Variants in CCDC88C observed in about 807,000 individuals in gnomAD.
CCDC88C encodes the protein protein Daple.
CCDC88C carries 131 observed loss-of-function variants against 198.8 expected under a neutral mutation model. That is an observed-to-expected ratio of 0.66 (90% CI 0.57 to 0.76). CCDC88C has a LOEUF of 0.76. CCDC88C is among the 30% of genes least tolerant of loss of function. The pLI is 0.00. For synonymous variants in CCDC88C, 1,166 were observed against 1,114.7 expected (o/e 1.05, Z -0.92); for missense variants, 2,553 against 2,631.6 (o/e 0.97, Z 0.65).
intron 4 of CCDC88C, among the ~76,000 whole-genome samples, chr14:91,351,266 T>C (rs912287477): frequency 6.6e-6 from 1 of 152,202 alleles, no homozygotes; most frequent in Non-Finnish European, 1.5e-5. Context: ...AAACCAGTTA[T>C]TTCATAAGGA....
At chr14:91,399,394 T>C (rs953881128) in intron 3 of CCDC88C, among the ~76,000 whole-genome samples, 1 of 152,158 alleles carries the variant, frequency 6.6e-6, no homozygotes, top group Non-Finnish European at 1.5e-5. Context: ...ACATCTGGGC[T>C]GGATCCCCAT....
intron 3 of CCDC88C, among the ~76,000 whole-genome samples, chr14:91,390,184 C>T (rs1347485673): frequency 1.3e-5 from 2 of 152,072 alleles, no homozygotes; most frequent in Non-Finnish European, 2.9e-5. Flanking sequence ...GAGCAAGTTG[C>T]TACTTTCAAG....
At chr14:91,416,621 T>A (rs934935431) in intron 2 of CCDC88C, 117 bp downstream of exon 2, 2 of 763,118 alleles carry the variant, frequency 2.6e-6, no homozygotes, top group South Asian at 3.0e-5. Flanking sequence ...CGTCTCCACC[T>A]TCAGAGAACT....
At chr14:91,376,515 G>A (rs1344144232) in intron 3 of CCDC88C, among the ~76,000 whole-genome samples, 1 of 152,210 alleles carries the variant, frequency 6.6e-6, no homozygotes, top group African/African-American at 2.4e-5. Context: ...CGTCTCTGGA[G>A]AGCCCACAGG....
chr14:91,285,598 G>C, intron 25 of CCDC88C: 1 of 1,236,786 alleles, frequency 8.1e-7, no homozygotes, highest in Non-Finnish European at 1.0e-6. Flanking sequence ...TTAGACGCTG[G>C]CTTTTTTTGT....
In CCDC88C at chr14:91,315,819, A is replaced by G. The variant is rs765900139; in HGVS notation, c.1528-32T>C. 28 of 1,603,074 alleles carry G rather than the reference A, an allele frequency of 1.7e-5. No homozygotes were observed. The South Asian group carries it at 2.3e-4, about 13-fold the overall frequency. On this transcript the variant is annotated intron_variant, in intron 13 of 29. Coordinates refer to ENST00000389857, the MANE Select transcript of CCDC88C (RefSeq NM_001080414.4). ...AACCAAAAGACCCAGCCCAGTGCAG[A>G]CATCAGTCCTACGAAGTGAACCATG... is the stretch of plus-strand genomic sequence containing the variant.
chr14:91,372,917 C>A (rs1245492837), intron 3 of CCDC88C, among the ~76,000 whole-genome samples: 1 of 152,170 alleles, frequency 6.6e-6, no homozygotes, highest in African/African-American at 2.4e-5. Context: ...GAACCTGAGG[C>A]CTTTCCTAGC....
intron 3 of CCDC88C, among the ~76,000 whole-genome samples, chr14:91,405,467 G>C (rs1408922711): frequency 6.6e-6 from 1 of 152,174 alleles, no homozygotes; most frequent in Admixed American, 6.5e-5. Context: ...AAGAGGCCGG[G>C]CGGCAGCTTT....
chr14:91,359,902 T>C (rs1465677332), intron 3 of CCDC88C, among the ~76,000 whole-genome samples, 191 bp from the exon 4 acceptor site: 5 of 152,178 alleles, frequency 3.3e-5, no homozygotes, highest in Non-Finnish European at 5.9e-5. Context: ...CTAACTGTAT[T>C]TCTGTCTTGA....
At chr14:91,281,956 T>C (rs1388037760) in intron 26 of CCDC88C, among the ~76,000 whole-genome samples, 1 of 152,124 alleles carries the variant, frequency 6.6e-6, no homozygotes, top group African/African-American at 2.4e-5. Context: ...AATCTACTCC[T>C]TGAGGGGAGA....
In CCDC88C at chr14:91,313,136, G is replaced by A. The variant is rs372345466; in HGVS notation, c.2680C>T (p.Arg894Trp). ...GKLKELEKDN[R>W]DLTKQVTVHA... Reference sequence around the variant, plus strand: ...ACGGTGACTTGCTTGGTGAGGTCCCGGTTGTCCTTCTCCAGCTCCTTCAGC... The same window carrying A: ...ACGGTGACTTGCTTGGTGAGGTCCCAGTTGTCCTTCTCCAGCTCCTTCAGC... The change falls in exon 15 of 30, where the codon CGG (arginine) becomes TGG (tryptophan). Residue 894 changes from arginine (R) to tryptophan (W), a missense_variant. Around this residue, in one of 2 missense-constraint regions of CCDC88C, gnomAD observed 1,260 missense variants for 1,412.0 expected, o/e 0.89. Transcript: ENST00000389857. The surrounding 1 kb of genome is among the most constrained non-coding windows in gnomAD (Gnocchi z 5.2). 16 of 1,609,252 alleles carry A rather than the reference G, an allele frequency of 9.9e-6. No homozygotes were observed. The highest frequency in any genetic ancestry group is 1.7e-4 in the Middle Eastern group (1 of 6,048).
chr14:91,332,385 A>G (rs138376502), intron 10 of CCDC88C, among the ~76,000 whole-genome samples: 25 of 152,256 alleles, frequency 1.6e-4, no homozygotes, highest in African/African-American at 5.8e-4. Flanking sequence ...TCTGCTACTC[A>G]TTTTGTTTTT....
chr14:91,312,335 C>T (rs1427124784), intron 15 of CCDC88C, among the ~76,000 whole-genome samples: 1 of 152,130 alleles, frequency 6.6e-6, no homozygotes, highest in African/African-American at 2.4e-5. Flanking sequence ...CTGCAGTGAG[C>T]TGGGGTCACA....
At chr14:91,300,095 G>C (rs774925017) in intron 20 of CCDC88C, 25 bp from the exon 21 acceptor site, 1 of 1,602,062 alleles carries the variant, frequency 6.2e-7, no homozygotes, top group Non-Finnish European at 8.5e-7. Flanking sequence ...CACCTGCCGT[G>C]AGTCTGGCCA....
At position 91,346,480 on chromosome 14, in the gene CCDC88C, GATTT is replaced by G. The variant is rs1183408123; in HGVS notation, c.341-2827_341-2824del. Reference sequence around the variant, plus strand: ...AATGGAAAAATTCTCAAAATCTTAGGATTTTTTTTTTTTACTTGAGATCTTTTAT... The same window carrying G: ...AATGGAAAAATTCTCAAAATCTTAGGTTTTTTTTTACTTGAGATCTTTTAT... On this transcript the variant is annotated intron_variant, in intron 4 of 29. Coordinates refer to ENST00000389857, the MANE Select transcript of CCDC88C (RefSeq NM_001080414.4). Among the ~76,000 whole-genome samples, 9 of 140,182 alleles carry G rather than the reference GATTT, an allele frequency of 6.4e-5. No homozygotes were observed. In the East Asian group the frequency reaches 1.8e-3, roughly 28 times the overall value. The allele number at this position is 140,182 out of a possible 152,430, so 92.0% of individuals were successfully genotyped here.
At chr14:91,277,454 G>A (rs1567045551) in intron 29 of CCDC88C, among the ~76,000 whole-genome samples, 1 of 152,208 alleles carries the variant, frequency 6.6e-6, no homozygotes, top group Non-Finnish European at 1.5e-5. Flanking sequence ...ATTGACATAG[G>A]ATCAAGTGTC....
chr14:91,272,539 G>T lies in CCDC88C; in HGVS notation c.*86C>A. ...TTTCCTCATTCCAAACCCTCTCCTG[G>T]CACCGCAGGCAAGCAAGAGAAAAGG... On this transcript the variant is annotated 3_prime_UTR_variant, in exon 30 of 30. Coordinates refer to ENST00000389857, the MANE Select transcript of CCDC88C (RefSeq NM_001080414.4). The T allele has an allele frequency of 1.4e-6, 2 of 1,386,100 alleles. No individual in the cohort carries two copies. Among genetic ancestry groups the T allele is most frequent in the Non-Finnish European group, 2.0e-6 (2 of 1,017,732 alleles). 85.9% of individuals were successfully genotyped at this position (1,386,100 alleles called of 1,614,324 possible). A position where few individuals can be genotyped will look rare whatever the true frequency, so the allele number is the denominator to read the frequency against.
In CCDC88C at chr14:91,273,224, C is replaced by T. The variant is rs746220123; in HGVS notation, c.5488G>A (p.Gly1830Arg). Reference sequence around the variant, plus strand: ...CTGCCCCCTAAGGCCTCAGGAGCCCCCAGCTTCTGAGGGGACTCCTGTTTG... The same window carrying T: ...CTGCCCCCTAAGGCCTCAGGAGCCCTCAGCTTCTGAGGGGACTCCTGTTTG... ...ACKQESPQKL[G>R]APEALGGRET... The change falls in exon 30 of 30, where the codon GGG becomes AGG. Residue 1830 changes from glycine (G) to arginine (R), a missense_variant. Physicochemically the swap from Gly to Arg is moderately radical, Grantham distance 125. Coordinates refer to ENST00000389857, the MANE Select transcript of CCDC88C (RefSeq NM_001080414.4). This position sits in a 1 kb window ranked among gnomAD's most constrained non-coding sequence, Gnocchi z 5.6. 4 of 1,561,736 alleles carry T rather than the reference C, an allele frequency of 2.6e-6. No individual in the cohort carries two copies. The highest frequency in any genetic ancestry group is 2.4e-5 in the South Asian group (2 of 85,014).
chr14:91,394,186 C>T (rs548047630), intron 3 of CCDC88C, among the ~76,000 whole-genome samples: 1 of 152,296 alleles, frequency 6.6e-6, no homozygotes, highest in South Asian at 2.1e-4. Context: ...AATTTCCACC[C>T]CCCAGGGACT....
Sources: gnomAD v4.1 joint callset for allele counts (sites outside exome capture counted in the v4.1 genomes callset) on GRCh38, gnomAD v4.1.1 for gene constraint, gnomAD v4.1.1 regional missense constraint, Gnocchi (gnomAD v3.1) non-coding constraint, MANE v1.5 for transcripts, NCBI Gene and HGNC (gene_info 2026-07-23, HGNC 2026-07-21) for gene names.